The following JAKMIP1 variants were observed in gnomAD, a reference collection of about 807,000 sequenced individuals.
JAKMIP1 encodes the protein janus kinase and microtubule-interacting protein 1.
Under a neutral mutation model 113.0 loss-of-function variants are expected in JAKMIP1, and 33 were observed. The observed-to-expected ratio is 0.29, with a 90% CI of 0.22 to 0.39. The LOEUF is 0.39. Ranked by LOEUF, JAKMIP1 falls within the 10% of genes least tolerant of loss-of-function variation. The probability of loss-of-function intolerance (pLI) is 1.00; values close to 1 mark genes in which losing one functional copy is unlikely to be tolerated. For missense variants in JAKMIP1, 813 were observed against 1,080.5 expected, an observed-to-expected ratio of 0.75 and a Z score of 3.47; for synonymous variants, 480 against 459.9, an observed-to-expected ratio of 1.04 and a Z score of -0.56.
chr4:6,062,655 G>A (rs1230960997), intron 9 of JAKMIP1, among the ~76,000 whole-genome samples: 1 of 152,210 alleles, frequency 6.6e-6, no homozygotes, highest in Admixed American at 6.5e-5. Flanking sequence ...TTGGAGGAAA[G>A]GGCTGCCAGG....
At chr4:6,118,674 C>T (rs1032807713) in intron 1 of JAKMIP1, among the ~76,000 whole-genome samples, 7 of 151,978 alleles carry the variant, frequency 4.6e-5, no homozygotes, top group Non-Finnish European at 8.8e-5. Flanking sequence ...AGCACAGCTT[C>T]GTGGTGACAA....
At position 6,153,295 on chromosome 4, in the gene JAKMIP1, T is replaced by G. The variant is rs981175850; in HGVS notation, c.-147-40298A>C. On this transcript the variant is annotated intron_variant, in intron 1 of 20. Coordinates refer to ENST00000409021, the MANE Select transcript of JAKMIP1 (RefSeq NM_001099433.2). This position sits in a 1 kb window ranked among gnomAD's most constrained non-coding sequence, Gnocchi z 4.9. ...CCAGGGGTCTTCCCCGAGCCTGGCC[T>G]CCTTCACACAGGCCTTGGTCACAGG... Among the ~76,000 whole-genome samples, 2 of 152,218 alleles carry G rather than the reference T, an allele frequency of 1.3e-5. No homozygotes were observed. The highest frequency in any genetic ancestry group is 2.9e-5 in the Non-Finnish European group (2 of 68,030).
chr4:6,172,884 G>A (rs1724905658), intron 1 of JAKMIP1, among the ~76,000 whole-genome samples: 1 of 152,116 alleles, frequency 6.6e-6, no homozygotes. Flanking sequence ...AACAGGAACA[G>A]CTGCCGCTCT....
intron 1 of JAKMIP1, among the ~76,000 whole-genome samples, chr4:6,149,143 C>A (rs1220208170): frequency 6.6e-6 from 1 of 152,192 alleles, no homozygotes; most frequent in Non-Finnish European, 1.5e-5. Context: ...GACAGCTGGG[C>A]AGGACTGAGC....
Position 6,049,698 on chromosome 4 carries a change from T to G in JAKMIP1, c.1962+121A>C, listed in dbSNP as rs1715423807. 1.3e-6 allele frequency: 1 copy of G among 761,846 alleles called. No homozygotes were observed. The highest frequency in any genetic ancestry group is 1.8e-5 in the African/African-American group (1 of 56,998). 47.2% of individuals were successfully genotyped at this position (761,846 alleles called of 1,614,324 possible). On this transcript the variant is annotated intron_variant, in intron 15 of 20. Transcript: ENST00000409021. This position sits in a 1 kb window ranked among gnomAD's most constrained non-coding sequence, Gnocchi z 7.0. ...AACACGGCCATACAAAAGCCTTACA[T>G]TGTACTTCTTAGATCTCTTACATCA...
At chr4:6,033,725 C>T (rs143196482) in intron 19 of JAKMIP1, among the ~76,000 whole-genome samples, 3 of 152,176 alleles carry the variant, frequency 2.0e-5, no homozygotes, top group South Asian at 2.1e-4. Flanking sequence ...AACTTTAAAA[C>T]GTTAATTTTT....
chr4:6,124,659 G>A (rs1717165339), intron 1 of JAKMIP1, among the ~76,000 whole-genome samples: 1 of 152,194 alleles, frequency 6.6e-6, no homozygotes, highest in African/African-American at 2.4e-5. Flanking sequence ...AAGTGTCCAT[G>A]GCTACAGCAG....
rs10017549 is a variant in JAKMIP1 at position 6,141,881 on chromosome 4, C to T, written c.-147-28884G>A. ...AGGCTCTGGCATGGAGAGGCGCTTA[C>T]GCTTCCTAAGGGCGTTAACCGTCTC... On this transcript the variant is annotated intron_variant, in intron 1 of 20. Coordinates refer to ENST00000409021, the MANE Select transcript of JAKMIP1 (RefSeq NM_001099433.2). The surrounding 1 kb of genome is among the most constrained non-coding windows in gnomAD (Gnocchi z 9.4). Among the ~76,000 whole-genome samples, 63,266 of 152,064 alleles carry T rather than the reference C, an allele frequency of 0.42. 16,187 individuals carry two copies. The highest frequency in any genetic ancestry group is 0.75 in the East Asian group (3,857 of 5,154).
rs1712072795 is a variant in JAKMIP1 at position 6,097,763 on chromosome 4, T to A, written c.624+7710A>T. On this transcript the variant is annotated intron_variant, in intron 3 of 20. Transcript: ENST00000409021. The surrounding 1 kb of genome is among the most constrained non-coding windows in gnomAD (Gnocchi z 4.3). The stretch of plus-strand genomic sequence containing the variant: ...ATCATCATTTGACAAATGGTGTGAG[T>A]CAACCATTCCATGGGAAAAGCCAGG... 6.6e-6 allele frequency among the ~76,000 whole-genome samples: 1 copy of A among 152,088 alleles called. No individual in the cohort carries two copies. The highest frequency in any genetic ancestry group is 1.5e-5 in the Non-Finnish European group (1 of 68,026).
chr4:6,026,645 T>C (rs888072304), intron 20 of JAKMIP1, among the ~76,000 whole-genome samples: 1 of 120,520 alleles, frequency 8.3e-6, no homozygotes, highest in African/African-American at 3.2e-5. Context: ...ATGGTCATGG[T>C]CAGCGGCTCC....
At position 6,140,415 on chromosome 4, in the gene JAKMIP1, C is replaced by T. The variant is rs535473828; in HGVS notation, c.-147-27418G>A. On this transcript the variant is annotated intron_variant, in intron 1 of 20. Coordinates refer to ENST00000409021, the MANE Select transcript of JAKMIP1 (RefSeq NM_001099433.2). This position sits in a 1 kb window ranked among gnomAD's most constrained non-coding sequence, Gnocchi z 9.4. The stretch of plus-strand genomic sequence containing the variant: ...ACTGTCCCTGTTCCCCCAAAAGGCC[C>T]ACCACAGACCCACCCCAGGAGTGTG... 2.6e-5 allele frequency among the ~76,000 whole-genome samples: 4 copies of T among 152,210 alleles called. No homozygotes were observed. The highest frequency in any genetic ancestry group is 4.4e-5 in the Non-Finnish European group (3 of 68,018).
Position 6,031,765 on chromosome 4 carries a change from C to G in JAKMIP1, c.2380-1984G>C, listed in dbSNP as rs1006238169. Among the ~76,000 whole-genome samples the G allele has an allele frequency of 3.9e-5, 6 of 152,218 alleles. No homozygotes were observed. The highest frequency in any genetic ancestry group is 1.4e-4 in the African/African-American group (6 of 41,462). On this transcript the variant is annotated intron_variant, in intron 19 of 20. Transcript: ENST00000409021. This position sits in a 1 kb window ranked among gnomAD's most constrained non-coding sequence, Gnocchi z 4.4. ...GAAGGAGACAGAAAAAAAGATGATT[C>G]TCTCAGATCTGTGACCTTGGGCAGT...
Position 6,162,746 on chromosome 4 carries a change from T to C in JAKMIP1, c.-148+37507A>G, listed in dbSNP as rs77829004. ...ATAAAACTGGCTCAGAAAGGTTAAG[T>C]GACTTGCCCAAGGTCACCCAGCCAG... On this transcript the variant is annotated intron_variant, in intron 1 of 20. Coordinates refer to ENST00000409021, the MANE Select transcript of JAKMIP1 (RefSeq NM_001099433.2). The surrounding 1 kb of genome is among the most constrained non-coding windows in gnomAD (Gnocchi z 5.6). 0.014 allele frequency among the ~76,000 whole-genome samples: 2,160 copies of C among 152,246 alleles called. 33 individuals carry two copies. Among genetic ancestry groups the C allele is most frequent in the African/African-American group, 0.048 (1,977 of 41,552 alleles).
intron 3 of JAKMIP1, among the ~76,000 whole-genome samples, chr4:6,098,682 A>G (rs1024692546): frequency 2.4e-3 from 18 of 7,548 alleles, no homozygotes; most frequent in Non-Finnish European, 4.1e-3. Flanking sequence ...GAAAGAAAGA[A>G]AGAAAGAAAG....
At position 6,153,346 on chromosome 4, in the gene JAKMIP1, C is replaced by CCTG. The variant is rs377644063; in HGVS notation, c.-147-40350_-147-40349insCAG. 4.8e-3 allele frequency among the ~76,000 whole-genome samples: 734 copies of CCTG among 152,310 alleles called. 2 individuals carry two copies. Among genetic ancestry groups the CCTG allele is most frequent in the Middle Eastern group, 0.01 (3 of 294 alleles). On this transcript the variant is annotated intron_variant, in intron 1 of 20. Coordinates refer to ENST00000409021, the MANE Select transcript of JAKMIP1 (RefSeq NM_001099433.2). The surrounding 1 kb of genome is among the most constrained non-coding windows in gnomAD (Gnocchi z 4.9). ...CAGATCTGGGTGAGAAGAGGAGCCACGCTGAGCATCAGGAGCCCTGGGATT... is the reference window on the plus strand; with the variant it reads ...CAGATCTGGGTGAGAAGAGGAGCCACCTGGCTGAGCATCAGGAGCCCTGGGATT...
rs921377668 is a variant in JAKMIP1 at position 6,153,907 on chromosome 4, A to T, written c.-147-40910T>A. The stretch of plus-strand genomic sequence containing the variant: ...TGAGCACTCTCACTGAGAAATGCGG[A>T]ACCAGCTACCCGCTCCCTGAGGCCC... On this transcript the variant is annotated intron_variant, in intron 1 of 20. Transcript: ENST00000409021. This position sits in a 1 kb window ranked among gnomAD's most constrained non-coding sequence, Gnocchi z 4.9. Among the ~76,000 whole-genome samples the T allele has an allele frequency of 1.3e-5, 2 of 152,222 alleles. No individual in the cohort carries two copies. The highest frequency in any genetic ancestry group is 4.8e-5 in the African/African-American group (2 of 41,454).
rs1161061734 is a variant in JAKMIP1 at position 6,106,112 on chromosome 4, G to A, written c.130-145C>T. ...CACGTTCCCATGGATTCCCCCTTCG[G>A]CAGTGCCCTGCAGGCCTGACCCTCC... On this transcript the variant is annotated intron_variant, in intron 2 of 20. Coordinates refer to ENST00000409021, the MANE Select transcript of JAKMIP1 (RefSeq NM_001099433.2). This position sits in a 1 kb window ranked among gnomAD's most constrained non-coding sequence, Gnocchi z 5.9. The A allele has an allele frequency of 4.9e-6, 3 of 608,440 alleles. No homozygotes were observed. The highest frequency in any genetic ancestry group is 8.7e-6 in the Non-Finnish European group (3 of 346,604). The allele number at this position is 608,440 out of a possible 1,614,324, so 37.7% of individuals were successfully genotyped here.
chr4:6,095,002 GAAAA>G (rs199853172), intron 3 of JAKMIP1, among the ~76,000 whole-genome samples: 12,010 of 133,250 alleles, frequency 0.09, 709 homozygotes, highest in Non-Finnish European at 0.12. Flanking sequence ...AAAGATAGAA[GAAAA>G]ATAAAAAGGA....
intron 18 of JAKMIP1, among the ~76,000 whole-genome samples, chr4:6,039,183 T>G (rs1025343684): frequency 6.6e-6 from 1 of 152,088 alleles, no homozygotes; most frequent in Non-Finnish European, 1.5e-5. Flanking sequence ...GATTCAGCAT[T>G]CTTAGGGGCC....
Sources: gnomAD v4.1 joint callset for allele counts (sites outside exome capture counted in the v4.1 genomes callset) on GRCh38, gnomAD v4.1.1 for gene constraint, Gnocchi (gnomAD v3.1) non-coding constraint, MANE v1.5 for transcripts, NCBI Gene and HGNC (gene_info 2026-07-23, HGNC 2026-07-21) for gene names.